The following PIP5K1B variants were observed in gnomAD, a reference collection of about 807,000 sequenced individuals.
The protein encoded by PIP5K1B is phosphatidylinositol-4-phosphate 5-kinase type 1 beta.
PIP5K1B carries 42 observed loss-of-function variants against 67.0 expected under a neutral mutation model. The ratio of observed to expected loss-of-function variants is 0.63; its 90% CI spans 0.49 to 0.81. The LOEUF (loss-of-function observed/expected upper bound fraction) is 0.81. PIP5K1B is among the 30% of genes least tolerant of loss of function. The probability of loss-of-function intolerance (pLI) is 0.00; values close to 1 mark genes in which losing one functional copy is unlikely to be tolerated. For missense variants in PIP5K1B, 459 were observed against 646.3 expected (o/e 0.71, Z 3.14); for synonymous variants, 214 against 231.4 (o/e 0.92, Z 0.68).
intron 11 of PIP5K1B, among the ~76,000 whole-genome samples, chr9:68,920,769 C>G (rs1158675866): frequency 1.3e-5 from 2 of 149,086 alleles, no homozygotes; most frequent in Non-Finnish European, 3.0e-5. Flanking sequence ...GTCTCTGTCT[C>G]TCTGTCTCTC....
At chr9:68,834,024 G>GA (rs1834464119) in intron 4 of PIP5K1B, among the ~76,000 whole-genome samples, 1 of 152,122 alleles carries the variant, frequency 6.6e-6, no homozygotes, top group Non-Finnish European at 1.5e-5. Flanking sequence ...CAGGAAGGGG[G>GA]AACATCCATA....
chr9:68,895,749 C>T (rs760931736), intron 8 of PIP5K1B, among the ~76,000 whole-genome samples: 19 of 151,686 alleles, frequency 1.3e-4, no homozygotes, highest in Non-Finnish European at 2.6e-4. Flanking sequence ...GTTTAGCTAC[C>T]GTTTATTGAA....
chr9:68,761,193 C>G (rs929226221), intron 2 of PIP5K1B, among the ~76,000 whole-genome samples: 1 of 152,060 alleles, frequency 6.6e-6, no homozygotes, highest in Non-Finnish European at 1.5e-5. Context: ...TCTGAGGTCT[C>G]TCTGGCTCTT....
At chr9:68,871,907 GTT>G (rs11389667) in intron 5 of PIP5K1B, among the ~76,000 whole-genome samples, 41,163 of 148,010 alleles carry the variant, frequency 0.28, 5,889 homozygotes, top group Middle Eastern at 0.33. Flanking sequence ...GTTGTCGGGT[GTT>G]TTTTTTTTTT....
chr9:68,866,442 A>G (rs1424162218), intron 5 of PIP5K1B, among the ~76,000 whole-genome samples: 2 of 152,156 alleles, frequency 1.3e-5, no homozygotes, highest in Non-Finnish European at 2.9e-5. Flanking sequence ...CATATAATAT[A>G]TATCTACACA....
intron 14 of PIP5K1B, among the ~76,000 whole-genome samples, chr9:68,945,581 G>T (rs1049971029): frequency 6.6e-6 from 1 of 152,136 alleles, no homozygotes; most frequent in African/African-American, 2.4e-5. Flanking sequence ...AATAATAATC[G>T]AATACAATAG....
intron 5 of PIP5K1B, among the ~76,000 whole-genome samples, chr9:68,871,806 G>A (rs1823638737): frequency 6.6e-6 from 1 of 152,142 alleles, no homozygotes; most frequent in African/African-American, 2.4e-5. Context: ...AAATTTTACT[G>A]GCCCATGGGA....
intron 2 of PIP5K1B, among the ~76,000 whole-genome samples, chr9:68,808,043 C>A (rs1038014379): frequency 1.3e-5 from 2 of 152,098 alleles, no homozygotes; most frequent in African/African-American, 4.8e-5. Flanking sequence ...ACCAAAAATA[C>A]AAAAATTAGC....
intron 12 of PIP5K1B, among the ~76,000 whole-genome samples, chr9:68,925,093 C>G (rs1458487292): frequency 6.6e-6 from 1 of 151,838 alleles, no homozygotes; most frequent in African/African-American, 2.4e-5. Flanking sequence ...GAAGTTGCAA[C>G]ACATTAAAAT....
At position 68,960,686 on chromosome 9, in the gene PIP5K1B, C is replaced by G. The variant is rs189351336; in HGVS notation, c.1502+19896C>G. Among the ~76,000 whole-genome samples, 1,173 of 152,246 alleles carry G rather than the reference C, an allele frequency of 7.7e-3. 17 individuals are homozygous for G. The highest frequency in any genetic ancestry group is 0.027 in the African/African-American group (1,125 of 41,536). ...GTTACGTTTTTACTTTCCAGGACCT[C>G]TTCTTGTCCTGATAATTTCTTCCTT... On this transcript the variant is annotated intron_variant, in intron 14 of 15. Coordinates refer to ENST00000265382, the MANE Select transcript of PIP5K1B (RefSeq NM_003558.4).
At chr9:68,814,781 C>G (rs1833351389) in intron 2 of PIP5K1B, among the ~76,000 whole-genome samples, 1 of 152,266 alleles carries the variant, frequency 6.6e-6, no homozygotes, top group African/African-American at 2.4e-5. Flanking sequence ...GATCATGCCA[C>G]TTCACTCCAG....
Position 68,992,258 on chromosome 9 carries a change from G to A in PIP5K1B, c.1620+1001G>A, listed in dbSNP as rs367652063. Among the ~76,000 whole-genome samples, 155 of 151,878 alleles carry A rather than the reference G, an allele frequency of 1.0e-3. 4 individuals carry two copies. The South Asian group carries it at 0.032, about 31-fold the overall frequency. ...ATTACAGGCATGAGCCACTGCACCCGGCCTACCTGCACAAAATTACATAAA... is the reference window on the plus strand; with the variant it reads ...ATTACAGGCATGAGCCACTGCACCCAGCCTACCTGCACAAAATTACATAAA... On this transcript the variant is annotated intron_variant, in intron 15 of 15. Coordinates refer to ENST00000265382, the MANE Select transcript of PIP5K1B (RefSeq NM_003558.4).
intron 4 of PIP5K1B, among the ~76,000 whole-genome samples, chr9:68,862,302 A>C (rs1272967282): frequency 6.6e-6 from 1 of 152,202 alleles, no homozygotes; most frequent in Non-Finnish European, 1.5e-5. Flanking sequence ...ATTCGTGTTG[A>C]CAGAACAGCA....
chr9:68,782,106 C>CAGGT (rs917688102), intron 2 of PIP5K1B: 3 of 167,056 alleles, frequency 1.8e-5, no homozygotes, highest in African/African-American at 7.2e-5. Context: ...TCCTTGCCAA[C>CAGGT]AGGTCCCTTC....
intron 15 of PIP5K1B, among the ~76,000 whole-genome samples, chr9:68,992,051 C>T (rs1022513120): frequency 8.5e-5 from 13 of 152,214 alleles, no homozygotes; most frequent in African/African-American, 2.6e-4. Context: ...CCGCAACCTC[C>T]GCCTCCCAGG....
chr9:68,918,606 T>C (rs1347622500), intron 9 of PIP5K1B, among the ~76,000 whole-genome samples: 3 of 152,168 alleles, frequency 2.0e-5, no homozygotes, highest in Non-Finnish European at 4.4e-5. Context: ...GTTATTGAAA[T>C]GGCAGACTGC....
intron 13 of PIP5K1B, among the ~76,000 whole-genome samples, chr9:68,940,360 T>C (rs2132635114): frequency 6.6e-6 from 1 of 152,324 alleles, no homozygotes; most frequent in South Asian, 2.1e-4. Context: ...TATGCCATCT[T>C]TTTGAAATAG....
chr9:68,942,017 G>A (rs1031406116), intron 14 of PIP5K1B, among the ~76,000 whole-genome samples: 1 of 152,040 alleles, frequency 6.6e-6, no homozygotes. Context: ...CTGCTCTAAG[G>A]GCCAACAAAT....
chr9:68,921,006 ATCT>A lies in PIP5K1B; in HGVS notation c.1116+1288_1116+1290del, dbSNP rs538964482. Among the ~76,000 whole-genome samples, 97 of 152,274 alleles carry A rather than the reference ATCT, an allele frequency of 6.4e-4. No homozygotes were observed. In the East Asian group the frequency reaches 7.5e-3, roughly 12 times the overall value. Reference sequence around the variant, plus strand: ...TTTGAAAGAGAATAAATTATAGATGATCTTCTTCTTCTTTCTTGGAAAGGAGCC... The same window carrying A: ...TTTGAAAGAGAATAAATTATAGATGATCTTCTTCTTTCTTGGAAAGGAGCC... On this transcript the variant is annotated intron_variant, in intron 11 of 15. Coordinates refer to ENST00000265382, the MANE Select transcript of PIP5K1B (RefSeq NM_003558.4).
Sources: allele counts gnomAD v4.1 joint callset (sites outside exome capture counted in the v4.1 genomes callset), GRCh38; gene constraint gnomAD v4.1.1; transcripts MANE v1.5; gene names NCBI Gene and HGNC (gene_info 2026-07-23, HGNC 2026-07-21).